Variants in ZC3H14 observed in about 807,000 individuals in gnomAD.
The protein encoded by ZC3H14 is zinc finger CCCH domain-containing protein 14.
In ZC3H14, 31 loss-of-function variants were observed where a neutral mutation model predicts 92.4. The observed-to-expected ratio is 0.34, with a 90% CI of 0.25 to 0.45. The LOEUF is 0.45. Ranked by LOEUF, ZC3H14 falls within the 20% of genes least tolerant of loss-of-function variation. The pLI is 1.00. For synonymous variants in ZC3H14, 321 were observed against 300.9 expected, an observed-to-expected ratio of 1.07 and a Z score of -0.69; for missense variants, 781 against 897.3, an observed-to-expected ratio of 0.87 and a Z score of 1.66.
Position 88,599,341 on chromosome 14 carries a change from AT to A in ZC3H14, c.1354+2537del, listed in dbSNP as rs554557921. Among the ~76,000 whole-genome samples the A allele has an allele frequency of 9.2e-5, 14 of 151,954 alleles. No homozygotes were observed. The South Asian group carries it at 2.9e-3, about 32-fold the overall frequency. On this transcript the variant is annotated intron_variant, in intron 10 of 16. Coordinates refer to ENST00000251038, the MANE Select transcript of ZC3H14 (RefSeq NM_024824.5). ...ACTTTGAAAATTTCTTTTTACACTT[AT>A]TTTCTTTGTGAGTTTATGCTTTCAA...
Position 88,616,146 on chromosome 14 carries a change from A to T in ZC3H14, c.*4395A>T, listed in dbSNP as rs1284351429. 1.9e-6 allele frequency: 3 copies of T among 1,613,868 alleles called. No homozygotes were observed. Among genetic ancestry groups the T allele is most frequent in the Non-Finnish European group, 2.5e-6 (3 of 1,179,768 alleles). ...TGGGCTGAGAAAGTTACTAACCTGC[A>T]GTCATCACCTCCAGCACTAACAACA... On this transcript the variant is annotated 3_prime_UTR_variant, in exon 17 of 17. Transcript: ENST00000251038.
chr14:88,573,034 T>G (rs1003543898), intron 6 of ZC3H14, 27 bp downstream of exon 6: 6 of 1,612,030 alleles, frequency 3.7e-6, no homozygotes, highest in Non-Finnish European at 5.1e-6. Context: ...AAATTCTGGC[T>G]TAGGCTAAAA....
chr14:88,622,394 C>T lies in ZC3H14; in HGVS notation c.*10643C>T. 5.0e-6 allele frequency: 2 copies of T among 400,100 alleles called. No individual in the cohort carries two copies. The highest frequency in any genetic ancestry group is 8.8e-6 in the Non-Finnish European group (2 of 226,700). 24.8% of individuals were successfully genotyped at this position (400,100 alleles called of 1,614,324 possible). On this transcript the variant is annotated 3_prime_UTR_variant, in exon 17 of 17. Coordinates refer to ENST00000251038, the MANE Select transcript of ZC3H14 (RefSeq NM_024824.5). ...CTAGAAAATATTGGAGGTTTACATA[C>T]AGTATTTAGACAGAATAGCTTCCTA...
At chr14:88,577,077 G>T (rs150593825) in intron 8 of ZC3H14, among the ~76,000 whole-genome samples, 1 of 152,084 alleles carries the variant, frequency 6.6e-6, no homozygotes, top group Non-Finnish European at 1.5e-5. Context: ...TTACAAGCGT[G>T]AGCCACCGCG....
rs1482357440 is a variant in ZC3H14 at position 88,613,861 on chromosome 14, G to T, written c.*2110G>T. 1 of 152,160 alleles carries T rather than the reference G, an allele frequency of 6.6e-6. No individual in the cohort carries two copies. The highest frequency in any genetic ancestry group is 1.5e-5 in the Non-Finnish European group (1 of 68,030). 9.4% of individuals were successfully genotyped at this position (152,160 alleles called of 1,614,324 possible). A position where few individuals can be genotyped will look rare whatever the true frequency, so the allele number is the denominator to read the frequency against. ...GTAAACATAGGGCAGATTCTATATG[G>T]CCTATCATGTTTCTTCACCTTCCCC... On this transcript the variant is annotated 3_prime_UTR_variant, in exon 17 of 17. Coordinates refer to ENST00000251038, the MANE Select transcript of ZC3H14 (RefSeq NM_024824.5).
intron 9 of ZC3H14, among the ~76,000 whole-genome samples, chr14:88,585,367 T>C (rs1280206435): frequency 7.5e-6 from 1 of 133,784 alleles, no homozygotes; most frequent in African/African-American, 2.7e-5. Context: ...TGTTTAAACC[T>C]TCCCTTTCTG....
intron 12 of ZC3H14, 36 bp downstream of exon 12, chr14:88,603,096 T>C (rs781594461): frequency 3.8e-6 from 6 of 1,588,646 alleles, no homozygotes; most frequent in Non-Finnish European, 5.2e-6. Flanking sequence ...GGTGCTGTCA[T>C]TGTGAAGGGA....
chr14:88,576,137 T>C lies in ZC3H14; in HGVS notation c.1123+197T>C, dbSNP rs550229129. The stretch of plus-strand genomic sequence containing the variant: ...AACTTCGCCAACTGTTATTGGACTG[T>C]AGTTTTTCAAGCACCATATAATGCC... On this transcript the variant is annotated intron_variant, in intron 8 of 16. Coordinates refer to ENST00000251038, the MANE Select transcript of ZC3H14 (RefSeq NM_024824.5). Among the ~76,000 whole-genome samples, 3 of 152,370 alleles carry C rather than the reference T, an allele frequency of 2.0e-5. No individual in the cohort carries two copies. The South Asian group carries it at 6.2e-4, about 32-fold the overall frequency.
intron 2 of ZC3H14, among the ~76,000 whole-genome samples, chr14:88,567,421 CTT>C (rs75032234): frequency 3.8e-4 from 49 of 128,562 alleles, no homozygotes; most frequent in Admixed American, 6.2e-4. Context: ...GGCCTTTTTT[CTT>C]TTTTTTTTTT....
chr14:88,594,109 G>A (rs1239263370), intron 9 of ZC3H14, among the ~76,000 whole-genome samples: 3 of 152,112 alleles, frequency 2.0e-5, no homozygotes, highest in Non-Finnish European at 4.4e-5. Flanking sequence ...TTTCCCTCCA[G>A]AGGATTTGTC....
At position 88,625,305 on chromosome 14, in the gene ZC3H14, G is replaced by T; in HGVS notation, c.*13554G>T. The stretch of plus-strand genomic sequence containing the variant: ...AAACCTGAACGGGAGGCTTAGCTTT[G>T]TCAGGACCTTTTCCTTTCCAAGTCT... On this transcript the variant is annotated 3_prime_UTR_variant, in exon 17 of 17. Transcript: ENST00000251038. The T allele has an allele frequency of 4.9e-6, 3 of 618,078 alleles. No homozygotes were observed. Among genetic ancestry groups the T allele is most frequent in the Non-Finnish European group, 5.3e-6 (2 of 374,400 alleles). 38.3% of individuals were successfully genotyped at this position (618,078 alleles called of 1,614,324 possible).
At chr14:88,568,240 GA>G in intron 3 of ZC3H14, 87 bp downstream of exon 3, 2 of 1,126,928 alleles carry the variant, frequency 1.8e-6, no homozygotes, top group South Asian at 2.6e-5. Flanking sequence ...CTTGACACTT[GA>G]GTTAGGTTTA....
chr14:88,608,329 T>TCCTGCAAGTGAATACCATCCCCATCTCAC (rs1212218287), intron 13 of ZC3H14: 3 of 427,494 alleles, frequency 7.0e-6, no homozygotes, highest in Admixed American at 4.7e-5. Context: ...CCCCATCTCA[T>TCCTGCAAGTGAATACCATCCCCATCTCAC]CCTGCAAGTG....
In ZC3H14 at chr14:88,618,795, C is replaced by T. The variant is rs200260341; in HGVS notation, c.*7044C>T. The T allele has an allele frequency of 2.7e-5, 43 of 1,589,232 alleles. No individual in the cohort carries two copies. The highest frequency in any genetic ancestry group is 1.9e-4 in the South Asian group (17 of 87,462). ...CTCACTAGAACCTACTGCCAGATAC[C>T]GGGAATCCGGACTAAATCTGAATCA... On this transcript the variant is annotated 3_prime_UTR_variant, in exon 17 of 17. Transcript: ENST00000251038.
At chr14:88,594,991 A>T (rs892950025) in intron 9 of ZC3H14, 3 of 1,613,842 alleles carry the variant, frequency 1.9e-6, no homozygotes, top group Non-Finnish European at 2.5e-6. Flanking sequence ...GGTTAAAATG[A>T]ATGAATATTC....
rs2140259950 is a variant in ZC3H14 at position 88,618,134 on chromosome 14, A to G, written c.*6383A>G. ...AACAAAAACTTGAAACTCAATTACTATTCCTTATTGGAATGGCTCTAACAG... is the reference window on the plus strand; with the variant it reads ...AACAAAAACTTGAAACTCAATTACTGTTCCTTATTGGAATGGCTCTAACAG... On this transcript the variant is annotated 3_prime_UTR_variant, in exon 17 of 17. Coordinates refer to ENST00000251038, the MANE Select transcript of ZC3H14 (RefSeq NM_024824.5). 2.0e-6 allele frequency: 2 copies of G among 989,740 alleles called. No homozygotes were observed. Among genetic ancestry groups the G allele is most frequent in the South Asian group, 1.6e-5 (1 of 60,876 alleles). 61.3% of individuals were successfully genotyped at this position (989,740 alleles called of 1,614,324 possible).
At chr14:88,588,662 C>T (rs562628180) in intron 9 of ZC3H14, among the ~76,000 whole-genome samples, 2 of 152,160 alleles carry the variant, frequency 1.3e-5, no homozygotes, top group African/African-American at 4.8e-5. Flanking sequence ...AATTCATTCT[C>T]TTCCGTGTGG....
rs963901238 is a variant in ZC3H14, at chr14:88,624,805, T to C, written c.*13054T>C. ...ATTGGAAGTGAATTAAGACCAGAAA[T>C]GAGAATCAAATAGAAGGCACATAAA... On this transcript the variant is annotated 3_prime_UTR_variant, in exon 17 of 17. Coordinates refer to ENST00000251038, the MANE Select transcript of ZC3H14 (RefSeq NM_024824.5). The C allele has an allele frequency of 7.7e-6, 6 of 778,086 alleles. No individual in the cohort carries two copies. The highest frequency in any genetic ancestry group is 1.2e-5 in the Non-Finnish European group (6 of 508,042). 48.2% of individuals were successfully genotyped at this position (778,086 alleles called of 1,614,324 possible). A position where few individuals can be genotyped will look rare whatever the true frequency, so the allele number is the denominator to read the frequency against.
In ZC3H14 at chr14:88,616,875, G is replaced by C; in HGVS notation, c.*5124G>C. 1 of 1,613,360 alleles carries C rather than the reference G, an allele frequency of 6.2e-7. No homozygotes were observed. The highest frequency in any genetic ancestry group is 8.5e-7 in the Non-Finnish European group (1 of 1,179,610). On this transcript the variant is annotated 3_prime_UTR_variant, in exon 17 of 17. Coordinates refer to ENST00000251038, the MANE Select transcript of ZC3H14 (RefSeq NM_024824.5). ...CAGATTCCCAAAACCTCATCTCCTAGAATACTAGAGGGAAGGAACAAAAGA... is the reference window on the plus strand; with the variant it reads ...CAGATTCCCAAAACCTCATCTCCTACAATACTAGAGGGAAGGAACAAAAGA...
Sources: gnomAD v4.1 joint callset for allele counts (sites outside exome capture counted in the v4.1 genomes callset) on GRCh38, gnomAD v4.1.1 for gene constraint, MANE v1.5 for transcripts, NCBI Gene and HGNC (gene_info 2026-07-23, HGNC 2026-07-21) for gene names.